Variants in ZNF277 observed in about 807,000 individuals in gnomAD.
ZNF277 encodes zinc finger protein 277, also known as nuclear receptor-interacting factor 4.
In ZNF277, 55 loss-of-function variants were observed where a neutral mutation model predicts 60.7. The ratio of observed to expected loss-of-function variants is 0.91; its 90% CI spans 0.73 to 1.13. The LOEUF is 1.13. Ranked by LOEUF, ZNF277 falls within the 50% of genes most tolerant of loss-of-function variation. The probability of loss-of-function intolerance (pLI) is 0.00; values close to 1 mark genes in which losing one functional copy is unlikely to be tolerated. For missense variants in ZNF277, 510 were observed against 523.0 expected (o/e 0.98, Z 0.24); for synonymous variants, 178 against 179.3 (o/e 0.99, Z 0.06).
intron 1 of ZNF277, among the ~76,000 whole-genome samples, chr7:112,275,713 G>T (rs142493373): frequency 2.6e-5 from 4 of 151,990 alleles, no homozygotes; most frequent in African/African-American, 9.7e-5. Flanking sequence ...CTTCCACATC[G>T]TTGTTACTGT....
intron 1 of ZNF277, among the ~76,000 whole-genome samples, chr7:112,273,666 G>T (rs748818703): frequency 6.6e-6 from 1 of 152,122 alleles, no homozygotes; most frequent in Non-Finnish European, 1.5e-5. Context: ...GTTGTGTTAG[G>T]TGTGTCTGTG....
At chr7:112,339,755 T>G in intron 9 of ZNF277, 88 bp from the exon 10 acceptor site, 1 of 1,339,728 alleles carries the variant, frequency 7.5e-7, no homozygotes, top group Non-Finnish European at 1.1e-6. Flanking sequence ...TCTAAACTAC[T>G]CAAACTCCTG....
intron 2 of ZNF277, among the ~76,000 whole-genome samples, chr7:112,294,539 C>T (rs1792282594): frequency 6.6e-6 from 1 of 152,128 alleles, no homozygotes; most frequent in Non-Finnish European, 1.5e-5. Context: ...AAGGGTTCTC[C>T]CCTTACTTAC....
At chr7:112,293,227 C>T (rs187106750) in intron 2 of ZNF277, among the ~76,000 whole-genome samples, 46 of 152,222 alleles carry the variant, frequency 3.0e-4, no homozygotes, top group African/African-American at 1.1e-3. Flanking sequence ...AGCAAAACTG[C>T]TTCTAGCATA....
chr7:112,301,960 A>G (rs1002416896), intron 4 of ZNF277, among the ~76,000 whole-genome samples: 1 of 152,034 alleles, frequency 6.6e-6, no homozygotes. Context: ...ATCTATAATC[A>G]CTGCATTACA....
At chr7:112,312,648 C>A (rs1173654177) in intron 4 of ZNF277, among the ~76,000 whole-genome samples, 1 of 151,992 alleles carries the variant, frequency 6.6e-6, no homozygotes, top group Non-Finnish European at 1.5e-5. Context: ...TTCACAGTTA[C>A]CGAATGTAAA....
chr7:112,237,264 A>G (rs1166501041), intron 1 of ZNF277, among the ~76,000 whole-genome samples: 1 of 152,192 alleles, frequency 6.6e-6, no homozygotes, highest in African/African-American at 2.4e-5. Context: ...AAATGCCTAC[A>G]TCAAAAGAAT....
intron 1 of ZNF277, among the ~76,000 whole-genome samples, chr7:112,222,869 G>A (rs1279806175): frequency 2.0e-5 from 3 of 152,084 alleles, no homozygotes; most frequent in South Asian, 2.1e-4. Context: ...AATCTGGGTG[G>A]GTACCATCTG....
At chr7:112,210,480 T>C (rs1215170801) in intron 1 of ZNF277, among the ~76,000 whole-genome samples, 1 of 150,534 alleles carries the variant, frequency 6.6e-6, no homozygotes, top group African/African-American at 2.4e-5. Context: ...TTTTTTTTGT[T>C]TTTTTTTTTG....
At chr7:112,328,961 T>A (rs928083124) in intron 6 of ZNF277, among the ~76,000 whole-genome samples, 1 of 152,146 alleles carries the variant, frequency 6.6e-6, no homozygotes, top group Non-Finnish European at 1.5e-5. Context: ...CACCACTATG[T>A]TAAATCGAGT....
At chr7:112,218,260 T>C (rs1257347700) in intron 1 of ZNF277, among the ~76,000 whole-genome samples, 1 of 152,202 alleles carries the variant, frequency 6.6e-6, no homozygotes, top group East Asian at 1.9e-4. Flanking sequence ...AGGGGGAAAG[T>C]TAAGTCAGGA....
At chr7:112,257,349 T>C (rs936329875) in intron 1 of ZNF277, among the ~76,000 whole-genome samples, 14 of 151,560 alleles carry the variant, frequency 9.2e-5, no homozygotes, top group Non-Finnish European at 2.1e-4. Context: ...TTCATCAAAC[T>C]TAAAAACTGG....
chr7:112,246,525 G>A (rs1791089324), intron 1 of ZNF277, among the ~76,000 whole-genome samples: 1 of 152,176 alleles, frequency 6.6e-6, no homozygotes. Context: ...TGGAAGATGA[G>A]AAGAAAAGCC....
intron 1 of ZNF277, among the ~76,000 whole-genome samples, chr7:112,236,692 T>C (rs980056059): frequency 1.3e-5 from 2 of 152,170 alleles, no homozygotes; most frequent in African/African-American, 2.4e-5. Flanking sequence ...CCTCATTCAC[T>C]ATTTACTTTC....
At chr7:112,332,735 G>C (rs1011709522) in intron 7 of ZNF277, among the ~76,000 whole-genome samples, 1 of 152,060 alleles carries the variant, frequency 6.6e-6, no homozygotes, top group African/African-American at 2.4e-5. Context: ...CTGTAAGAAT[G>C]ATTAACAAAA....
chr7:112,230,386 A>T (rs930854987), intron 1 of ZNF277, among the ~76,000 whole-genome samples: 2 of 152,258 alleles, frequency 1.3e-5, no homozygotes, highest in Admixed American at 1.3e-4. Flanking sequence ...GCTAAAAATC[A>T]GCTATGATTT....
chr7:112,322,861 C>T (rs991227102), intron 5 of ZNF277, among the ~76,000 whole-genome samples: 2 of 152,120 alleles, frequency 1.3e-5, no homozygotes, highest in African/African-American at 4.8e-5. Context: ...TTGGATTCCT[C>T]CTCCACCCCA....
Position 112,337,969 on chromosome 7 carries a change from A to G in ZNF277, c.966+143A>G, listed in dbSNP as rs1270641578. 4.8e-6 allele frequency: 3 copies of G among 628,512 alleles called. No individual in the cohort carries two copies. The Admixed American group carries it at 8.9e-5, about 19-fold the overall frequency. The allele number at this position is 628,512 out of a possible 1,614,324, so 38.9% of individuals were successfully genotyped here. A position where few individuals can be genotyped will look rare whatever the true frequency, so the allele number is the denominator to read the frequency against. The stretch of plus-strand genomic sequence containing the variant: ...CAGGCCAGGTCTGTCAGGGAGAACC[A>G]GAGCTCAGGGCAATTTAGTTAGTAC... On this transcript the variant is annotated intron_variant, in intron 9 of 11. Transcript: ENST00000361822.
chr7:112,211,363 A>G (rs1397274680), intron 1 of ZNF277, among the ~76,000 whole-genome samples: 1 of 152,190 alleles, frequency 6.6e-6, no homozygotes, highest in African/African-American at 2.4e-5. Flanking sequence ...TGTTCCCTCT[A>G]TTCATAGCTA....
Sources: gnomAD v4.1 joint callset for allele counts (sites outside exome capture counted in the v4.1 genomes callset) on GRCh38, gnomAD v4.1.1 for gene constraint, MANE v1.5 for transcripts, NCBI Gene and HGNC (gene_info 2026-07-23, HGNC 2026-07-21) for gene names.